XPR1: variants seen among roughly 807,000 people sequenced by gnomAD.
XPR1 encodes solute carrier family 53 member 1.
In XPR1, 28 loss-of-function variants were observed where a neutral mutation model predicts 87.5. The observed-to-expected ratio is 0.32, with a 90% confidence interval of 0.24 to 0.44. The LOEUF (loss-of-function observed/expected upper bound fraction) is 0.44, where lower values mean the gene tolerates loss of function less well. Among genes scored for constraint, XPR1 ranks in the 20% least tolerant of loss-of-function variants. The pLI is 1.00. For missense variants in XPR1, 559 were observed against 862.3 expected (o/e 0.65, Z 4.41); for synonymous variants, 300 against 306.1 (o/e 0.98, Z 0.21).
intron 11 of XPR1, among the ~76,000 whole-genome samples, chr1:180,846,398 G>A (rs1405461273): frequency 2.0e-5 from 3 of 151,924 alleles, no homozygotes; most frequent in African/African-American, 4.8e-5. Context: ...AAGACCAGTG[G>A]GCTAATGTTG....
chr1:180,652,807 G>A (rs1655339566), intron 1 of XPR1, among the ~76,000 whole-genome samples: 1 of 152,146 alleles, frequency 6.6e-6, no homozygotes, highest in Non-Finnish European at 1.5e-5. Context: ...AAAACTTAGT[G>A]GCTTAAAACA....
intron 7 of XPR1, among the ~76,000 whole-genome samples, chr1:180,818,327 GTT>G (rs76651863): frequency 6.5e-5 from 9 of 139,462 alleles, no homozygotes; most frequent in African/African-American, 5.2e-5. Flanking sequence ...TTCTGTTTGG[GTT>G]TTTTTTTTTT....
intron 1 of XPR1, among the ~76,000 whole-genome samples, chr1:180,650,376 C>A (rs1655255764): frequency 6.6e-6 from 1 of 152,136 alleles, no homozygotes; most frequent in Admixed American, 6.5e-5. Flanking sequence ...GCTGAGACTA[C>A]AGGTGCACAG....
intron 2 of XPR1, among the ~76,000 whole-genome samples, chr1:180,686,046 T>C (rs1359804554): frequency 6.6e-6 from 1 of 152,232 alleles, no homozygotes; most frequent in African/African-American, 2.4e-5. Flanking sequence ...ATGTGTTTGC[T>C]CTTGCTTTTC....
intron 2 of XPR1, among the ~76,000 whole-genome samples, chr1:180,740,469 T>C (rs915193897): frequency 3.9e-5 from 6 of 152,174 alleles, no homozygotes; most frequent in Non-Finnish European, 7.3e-5. Context: ...ATTTTTTGAT[T>C]TTCAAATATT....
intron 9 of XPR1, among the ~76,000 whole-genome samples, chr1:180,831,973 C>G (rs1651081626): frequency 6.6e-6 from 1 of 152,208 alleles, no homozygotes; most frequent in South Asian, 2.1e-4. Context: ...AATCGCCACA[C>G]TGTATTCCAC....
intron 1 of XPR1, among the ~76,000 whole-genome samples, chr1:180,678,722 A>G (rs760493558): frequency 1.1e-4 from 17 of 152,200 alleles, no homozygotes; most frequent in Non-Finnish European, 1.9e-4. Context: ...TTTTTACTGT[A>G]TATTATTAGG....
chr1:180,682,464 A>T, intron 2 of XPR1, 53 bp downstream of exon 2: 1 of 1,504,222 alleles, frequency 6.6e-7, no homozygotes. Context: ...TTTTAAGGAA[A>T]GATATTTTGT....
At chr1:180,753,577 T>G (rs1329743639) in intron 2 of XPR1, among the ~76,000 whole-genome samples, 1 of 151,718 alleles carries the variant, frequency 6.6e-6, no homozygotes, top group Admixed American at 6.6e-5. Flanking sequence ...AAAGCAGTGC[T>G]GAAAATGTTA....
At chr1:180,705,293 A>G (rs575077838) in intron 2 of XPR1, among the ~76,000 whole-genome samples, 90 of 152,316 alleles carry the variant, frequency 5.9e-4, no homozygotes, top group African/African-American at 2.1e-3. Flanking sequence ...GAAATTGACC[A>G]GCTATGTGTT....
intron 12 of XPR1, among the ~76,000 whole-genome samples, chr1:180,864,859 A>G (rs896443713): frequency 2.0e-5 from 3 of 152,222 alleles, no homozygotes; most frequent in African/African-American, 4.8e-5. Context: ...CTAACTAGCT[A>G]TATAATTGTC....
At chr1:180,683,453 T>C (rs1348900161) in intron 2 of XPR1, among the ~76,000 whole-genome samples, 4 of 152,240 alleles carry the variant, frequency 2.6e-5, no homozygotes, top group Admixed American at 2.6e-4. Flanking sequence ...TATAGCAGCG[T>C]GATTTATAAT....
intron 1 of XPR1, among the ~76,000 whole-genome samples, chr1:180,642,291 T>C (rs911441839): frequency 3.3e-5 from 5 of 152,180 alleles, no homozygotes; most frequent in African/African-American, 9.6e-5. Context: ...ATGTGTTGCC[T>C]GTACATGAAG....
In XPR1 at chr1:180,803,533, C is replaced by G. The variant is rs1315880165; in HGVS notation, c.369C>G (p.Val123=). ...PVFHLSHEER[V]QHRNIKDLKL... is the part of the protein sequence containing the mutation. ...TCCACTTGTCCCATGAGGAACGTGT[C>G]CAACATAGAAATATTAAAGACCTTA... Residue 123 remains valine (V), a synonymous_variant, in exon 4 of 15, where the codon GTC becomes GTG. Transcript: ENST00000367590. 1 of 1,613,728 alleles carries G rather than the reference C, an allele frequency of 6.2e-7. No homozygotes were observed. The highest frequency in any genetic ancestry group is 1.3e-5 in the African/African-American group (1 of 75,024).
intron 2 of XPR1, among the ~76,000 whole-genome samples, chr1:180,716,100 A>G (rs912436837): frequency 6.6e-6 from 1 of 152,142 alleles, no homozygotes; most frequent in Non-Finnish European, 1.5e-5. Context: ...TGTATCAGAT[A>G]AACTTTGGGC....
At chr1:180,761,478 C>T (rs1648029665) in intron 2 of XPR1, among the ~76,000 whole-genome samples, 1 of 152,152 alleles carries the variant, frequency 6.6e-6, no homozygotes, top group Non-Finnish European at 1.5e-5. Flanking sequence ...ACAGACACTT[C>T]TCAAAAGAAG....
intron 2 of XPR1, among the ~76,000 whole-genome samples, chr1:180,708,909 T>TGGGGGGGG (rs34223946): frequency 2.1e-4 from 5 of 23,742 alleles, no homozygotes; most frequent in Non-Finnish European, 3.0e-4. Context: ...TTTTTTTTTT[T>TGGGGGGGG]GGGGGGGGGG....
At chr1:180,659,110 TCCTCCCTCCCTCCTTC>T (rs1249133106) in intron 1 of XPR1, among the ~76,000 whole-genome samples, 12 of 99,318 alleles carry the variant, frequency 1.2e-4, no homozygotes, top group Non-Finnish European at 2.3e-4. Context: ...CTCCCTCCCT[TCCTCCCTCCCTCCTTC>T]CCTCCCTCCC....
chr1:180,722,126 T>C (rs1407410849), intron 2 of XPR1, among the ~76,000 whole-genome samples: 4 of 152,024 alleles, frequency 2.6e-5, no homozygotes, highest in Non-Finnish European at 5.9e-5. Flanking sequence ...AAATTAGTCA[T>C]GTGTGGTGGT....
Sources: allele counts gnomAD v4.1 joint callset (sites outside exome capture counted in the v4.1 genomes callset), GRCh38; gene constraint gnomAD v4.1.1; transcripts MANE v1.5; gene names NCBI Gene and HGNC (gene_info 2026-07-23, HGNC 2026-07-21).